Variants in CSPG4 observed in about 807,000 individuals in gnomAD.
CSPG4 encodes the protein chondroitin sulfate proteoglycan 4 (melanoma-associated).
A neutral mutation model predicts 139.3 loss-of-function variants in CSPG4; 74 were observed. That is an observed-to-expected ratio of 0.53 (90% CI 0.44 to 0.64). The LOEUF is 0.64. CSPG4 is among the 30% of genes least tolerant of loss of function. The probability of loss-of-function intolerance (pLI) is 0.00; values close to 1 mark genes in which losing one functional copy is unlikely to be tolerated. For synonymous variants in CSPG4, 1,234 were observed against 1,394.2 expected, an observed-to-expected ratio of 0.89 and a Z score of 2.56; for missense variants, 2,565 against 3,148.3, an observed-to-expected ratio of 0.81 and a Z score of 4.43.
At chr15:75,695,813 C>A (rs1894219566) in intron 1 of CSPG4, among the ~76,000 whole-genome samples, 1 of 152,088 alleles carries the variant, frequency 6.6e-6, no homozygotes, top group African/African-American at 2.4e-5. Context: ...CAGAGGACAG[C>A]AGCAAGGCCG....
chr15:75,690,929 C>T lies in CSPG4; in HGVS notation c.253-117G>A, dbSNP rs1022076367. The T allele has an allele frequency of 1.1e-5, 13 of 1,151,164 alleles. No homozygotes were observed. The African/African-American group carries it at 1.9e-4, about 17-fold the overall frequency. 71.3% of individuals were successfully genotyped at this position (1,151,164 alleles called of 1,614,324 possible). On this transcript the variant is annotated intron_variant, in intron 2 of 9. Transcript: ENST00000308508. ...GTGGCTCATGCCTGTAATCCTAGCACTTTGGGAGGCCAAGGCAGGCGGATC... is the reference window on the plus strand; with the variant it reads ...GTGGCTCATGCCTGTAATCCTAGCATTTTGGGAGGCCAAGGCAGGCGGATC...
In CSPG4 at chr15:75,693,031, C is replaced by T. The variant is rs574221212; in HGVS notation, c.252+39G>A. 142 of 1,038,094 alleles carry T rather than the reference C, an allele frequency of 1.4e-4. No individual in the cohort carries two copies. The Admixed American group carries it at 1.6e-3, about 12-fold the overall frequency. The allele number at this position is 1,038,094 out of a possible 1,614,324, so 64.3% of individuals were successfully genotyped here. A position where few individuals can be genotyped will look rare whatever the true frequency, so the allele number is the denominator to read the frequency against. ...ACTCAAAGCTAGAGAAGGAATCCCA[C>T]CCCGAATCCCGCCCAGATCTCAGGG... On this transcript the variant is annotated intron_variant, in intron 2 of 9. Transcript: ENST00000308508.
Position 75,682,710 on chromosome 15 carries a change from G to A in CSPG4, c.4680C>T (p.Leu1560=), listed in dbSNP as rs1213166114. ...CGGGGGAAGTGTGCTCGCCGTCAGA[G>A]AGGCGGAAGCGGAAGCCTCCATCCA... is the stretch of plus-strand genomic sequence containing the variant. The part of the protein sequence containing the change: ...GTLDGGFRFR[L]SDGEHTSPGH... The change falls in exon 7 of 10, where the codon CTC becomes CTT. Residue 1560 remains leucine, a synonymous_variant. Coordinates refer to ENST00000308508, the MANE Select transcript of CSPG4 (RefSeq NM_001897.5). 6.2e-7 allele frequency: 1 copy of A among 1,613,000 alleles called. No individual in the cohort carries two copies. The highest frequency in any genetic ancestry group is 8.5e-7 in the Non-Finnish European group (1 of 1,180,032).
At position 75,683,089 on chromosome 15, in the gene CSPG4, C is replaced by T. The variant is rs1202545167; in HGVS notation, c.4450-48G>A. The T allele has an allele frequency of 1.2e-5, 18 of 1,558,556 alleles. No individual in the cohort carries two copies. The East Asian group carries it at 3.7e-4, about 32-fold the overall frequency. ...GTTCTGCCTTGCCGCACTCACCCAC[C>T]CCTTCCTCCCCGGCCCTGGGCTGCC... On this transcript the variant is annotated intron_variant, in intron 5 of 9. Coordinates refer to ENST00000308508, the MANE Select transcript of CSPG4 (RefSeq NM_001897.5).
chr15:75,703,858 A>G (rs1894335591), intron 1 of CSPG4, among the ~76,000 whole-genome samples: 1 of 125,770 alleles, frequency 8.0e-6, no homozygotes, highest in African/African-American at 3.2e-5. Flanking sequence ...ACAGTTAAAA[A>G]AGGAGCAGCT....
At chr15:75,694,689 C>T (rs763325989) in intron 1 of CSPG4, among the ~76,000 whole-genome samples, 3 of 152,246 alleles carry the variant, frequency 2.0e-5, no homozygotes, top group Non-Finnish European at 2.9e-5. Context: ...GTTAAATCCC[C>T]TCTAGTTATC....
intron 1 of CSPG4, among the ~76,000 whole-genome samples, chr15:75,697,391 T>C (rs1230492555): frequency 6.6e-6 from 1 of 152,172 alleles, no homozygotes; most frequent in Non-Finnish European, 1.5e-5. Context: ...TCCCACAGCA[T>C]CAGCATTCTC....
chr15:75,702,888 G>T (rs1894323899), intron 1 of CSPG4, among the ~76,000 whole-genome samples: 1 of 149,462 alleles, frequency 6.7e-6, no homozygotes, highest in Admixed American at 6.7e-5. Context: ...CCATTCCCAG[G>T]CCCCCCTGCC....
rs140387476 is a variant in CSPG4, at chr15:75,682,920, C to T, written c.4571G>A (p.Arg1524Gln). The T allele has an allele frequency of 7.4e-6, 12 of 1,611,010 alleles. No individual in the cohort carries two copies. Among genetic ancestry groups the T allele is most frequent in the Admixed American group, 6.7e-5 (4 of 59,942 alleles). Residue 1524 changes from arginine to glutamine, a missense_variant, in exon 6 of 10, where the codon CGG becomes CAG. Coordinates refer to ENST00000308508, the MANE Select transcript of CSPG4 (RefSeq NM_001897.5). ...GCGCACCTCAGTGCCCGGCGCCCCC[C>T]GCAGCACTACCCGCCCGTTGCTGGG... Reference protein sequence around the residue: ...EQPSNGRVVLRGAPGTEVRSF... With the variant: ...EQPSNGRVVLQGAPGTEVRSF...
rs529808709 is a variant in CSPG4 at position 75,711,026 on chromosome 15, G to A, written c.88+1642C>T. Among the ~76,000 whole-genome samples, 148 of 152,350 alleles carry A rather than the reference G, an allele frequency of 9.7e-4. 1 individual carries two copies. Among genetic ancestry groups the A allele is most frequent in the African/African-American group, 2.9e-3 (120 of 41,582 alleles). Reference sequence around the variant, plus strand: ...CAGTGGTTCTCCCTGGCCTGTGCTCGAAATACGCCTCCCAGCCAGGCTGCT... The same window carrying A: ...CAGTGGTTCTCCCTGGCCTGTGCTCAAAATACGCCTCCCAGCCAGGCTGCT... On this transcript the variant is annotated intron_variant, in intron 1 of 9. Coordinates refer to ENST00000308508, the MANE Select transcript of CSPG4 (RefSeq NM_001897.5).
intron 1 of CSPG4, among the ~76,000 whole-genome samples, chr15:75,703,603 G>A (rs1443587336): frequency 6.6e-6 from 1 of 152,142 alleles, no homozygotes; most frequent in Non-Finnish European, 1.5e-5. Context: ...AGCCCAGATT[G>A]ACCTTGTCAC....
chr15:75,680,564 G>A (rs993012481), intron 8 of CSPG4: 2 of 152,716 alleles, frequency 1.3e-5, no homozygotes, highest in African/African-American at 2.4e-5. Context: ...GAAGGAAATG[G>A]AGCCCCCAGG....
At chr15:75,707,866 C>T (rs1327906552) in intron 1 of CSPG4, among the ~76,000 whole-genome samples, 1 of 152,106 alleles carries the variant, frequency 6.6e-6, no homozygotes, top group East Asian at 1.9e-4. Flanking sequence ...GTGAGCCCTA[C>T]AATGGGGGAG....
At position 75,696,955 on chromosome 15, in the gene CSPG4, G is replaced by GC. The variant is rs1894235027; in HGVS notation, c.89-3723dup. On this transcript the variant is annotated intron_variant, in intron 1 of 9. Transcript: ENST00000308508. The surrounding 1 kb of genome is among the most constrained non-coding windows in gnomAD (Gnocchi z 4.2). ...GCACTACTAGGAGGAGTGTGGATGG[G>GC]CCCCTGAGGCTTCCAGCCTGACACC... is the stretch of plus-strand genomic sequence containing the variant. Among the ~76,000 whole-genome samples, 1 of 152,204 alleles carries GC rather than the reference G, an allele frequency of 6.6e-6. No individual in the cohort carries two copies. Among genetic ancestry groups the GC allele is most frequent in the Non-Finnish European group, 1.5e-5 (1 of 68,010 alleles).
In CSPG4 at chr15:75,685,292, G is replaced by T; in HGVS notation, c.4199C>A (p.Pro1400Gln). The T allele has an allele frequency of 6.3e-7, 1 of 1,581,288 alleles. No homozygotes were observed. The highest frequency in any genetic ancestry group is 1.1e-5 in the South Asian group (1 of 87,448). Residue 1400 changes from proline to glutamine, a missense_variant, in exon 4 of 10, where the codon CCA becomes CAA. By Grantham distance (76) the Pro-to-Gln change is moderately conservative. Coordinates refer to ENST00000308508, the MANE Select transcript of CSPG4 (RefSeq NM_001897.5). ...CTTCTGCAGGGCTCCATGCTGGGGT[G>T]GCTCCAGCACCTGCAGGCTGAGGCC... is the stretch of plus-strand genomic sequence containing the variant. ...LLGLSLQVLE[P>Q]PQHGALQKED...
At position 75,677,108 on chromosome 15, in the gene CSPG4, A is replaced by G; in HGVS notation, c.5411T>C (p.Leu1804Pro). 7.1e-7 allele frequency: 1 copy of G among 1,412,656 alleles called. No homozygotes were observed. Among genetic ancestry groups the G allele is most frequent in the Non-Finnish European group, 9.3e-7 (1 of 1,079,106 alleles). 87.5% of individuals were successfully genotyped at this position (1,412,656 alleles called of 1,614,324 possible). A position where few individuals can be genotyped will look rare whatever the true frequency, so the allele number is the denominator to read the frequency against. Residue 1804 changes from leucine (L) to proline (P), a missense_variant, in exon 10 of 10, where the codon CTC becomes CCC. Physicochemically the swap from Leu to Pro is moderately conservative, Grantham distance 98. This residue lies in a region of CSPG4 where 2,316 missense variants were observed against 2,818.2 expected (regional missense o/e 0.82). Transcript: ENST00000308508. ...QQDGFHFRAH[L>P]QGPAGASVAG... ...CACGGAGGCCCCTGCTGGCCCCTGGAGGTGGGCACGAAAGTGGAAGCCATC... is the reference window on the plus strand; with the variant it reads ...CACGGAGGCCCCTGCTGGCCCCTGGGGGTGGGCACGAAAGTGGAAGCCATC...
chr15:75,686,136 G>C (rs139527838), intron 3 of CSPG4, among the ~76,000 whole-genome samples: 1,759 of 152,278 alleles, frequency 0.012, 41 homozygotes, highest in African/African-American at 0.04. Context: ...CCCCACACAC[G>C]GTTGCAGGGG....
At chr15:75,684,221 C>T (rs1894020529) in intron 5 of CSPG4, among the ~76,000 whole-genome samples, 1 of 152,240 alleles carries the variant, frequency 6.6e-6, no homozygotes, top group South Asian at 2.1e-4. Context: ...GGAGAAGTTC[C>T]ATCCCACGTC....
rs1320330292 is a variant in CSPG4, at chr15:75,676,450, G to A, written c.6069C>T (p.His2023=). The A allele has an allele frequency of 4.3e-6, 7 of 1,613,904 alleles. No individual in the cohort carries two copies. In the African/African-American group the frequency reaches 8.0e-5, roughly 18 times the overall value. ...CCCTAGCCAGTGCCAGGACTCTGAAGTGGTCATGAGAGGAGGAGAAGTTGG... is the reference window on the plus strand; with the variant it reads ...CCCTAGCCAGTGCCAGGACTCTGAAATGGTCATGAGAGGAGGAGAAGTTGG... ...AFTNFSSSHD[H]FRVLALARGV... Residue 2023 remains histidine (H), a synonymous_variant, in exon 10 of 10, where the codon CAC becomes CAT. Transcript: ENST00000308508.
Sources: allele counts gnomAD v4.1 joint callset (sites outside exome capture counted in the v4.1 genomes callset), GRCh38; gene constraint gnomAD v4.1.1; regional missense constraint gnomAD v4.1.1; non-coding constraint Gnocchi (gnomAD v3.1); transcripts MANE v1.5; gene names NCBI Gene and HGNC (gene_info 2026-07-23, HGNC 2026-07-21).